The following FBN2 variants were observed in gnomAD, a reference collection of about 807,000 sequenced individuals.
FBN2 encodes the protein fibrillin 2, also known as fibrillin-2.
A neutral mutation model predicts 355.6 loss-of-function variants in FBN2; 105 were observed. The ratio of observed to expected loss-of-function variants is 0.30; its 90% CI spans 0.25 to 0.35. The LOEUF (loss-of-function observed/expected upper bound fraction) is 0.35. Among genes scored for constraint, FBN2 ranks in the 10% least tolerant of loss-of-function variants. The pLI is 1.00. For synonymous variants in FBN2, 1,350 were observed against 1,301.2 expected (o/e 1.04, Z -0.81); for missense variants, 3,280 against 3,758.7 (o/e 0.87, Z 3.33).
chr5:128,316,919 C>A (rs190131337), intron 36 of FBN2, among the ~76,000 whole-genome samples: 42 of 152,270 alleles, frequency 2.8e-4, no homozygotes, highest in Non-Finnish European at 1.5e-5. Flanking sequence ...TTTCCAGGTT[C>A]TAAATGGAGT....
intron 3 of FBN2, among the ~76,000 whole-genome samples, chr5:128,528,983 G>C (rs558224236): frequency 6.6e-6 from 1 of 152,244 alleles, no homozygotes; most frequent in East Asian, 1.9e-4. Flanking sequence ...TAGAGAAAGA[G>C]AAGCAGCAGT....
chr5:128,423,191 C>T (rs1316467788), intron 7 of FBN2, among the ~76,000 whole-genome samples: 5 of 152,116 alleles, frequency 3.3e-5, no homozygotes, highest in Admixed American at 1.3e-4. Context: ...CCATGAAAAT[C>T]AAATGGAATA....
chr5:128,288,521 T>C lies in FBN2; in HGVS notation c.6674A>G (p.Asn2225Ser), dbSNP rs754143779. The change falls in exon 53 of 65, where the codon AAT becomes AGT. Residue 2225 changes from asparagine to serine, a missense_variant. By Grantham distance (46) the Asn-to-Ser change is conservative. This residue lies in a region of FBN2 where 2,284 missense variants were observed against 2,749.5 expected (regional missense o/e 0.83). Coordinates refer to ENST00000262464, the MANE Select transcript of FBN2 (RefSeq NM_001999.4). ...DECSIGNPCG[N>S]GTCTNVIGSF... is the part of the protein sequence containing the mutation. ...CCCAATAACATTGGTGCATGTACCA[T>C]TTCCACACGGATTGCCGATTGAACA... 1.9e-6 allele frequency: 3 copies of C among 1,613,864 alleles called. No individual in the cohort carries two copies. The highest frequency in any genetic ancestry group is 2.2e-5 in the South Asian group (2 of 91,084).
chr5:128,349,593 G>T, intron 22 of FBN2, 121 bp from the exon 23 acceptor site: 1 of 1,238,748 alleles, frequency 8.1e-7, no homozygotes, highest in Non-Finnish European at 1.2e-6. Context: ...TATTACTTGA[G>T]TTAAACAGAA....
In FBN2 at chr5:128,263,455, C is replaced by T; in HGVS notation, c.8162G>A (p.Cys2721Tyr). The T allele has an allele frequency of 6.2e-7, 1 of 1,613,990 alleles. No individual in the cohort carries two copies. The highest frequency in any genetic ancestry group is 8.5e-7 in the Non-Finnish European group (1 of 1,179,856). Residue 2721 changes from cysteine (C) to tyrosine (Y), a missense_variant, in exon 63 of 65, where the codon TGC becomes TAC. Coordinates refer to ENST00000262464, the MANE Select transcript of FBN2 (RefSeq NM_001999.4). Reference protein sequence around the residue: ...SNTEGGYLCGCPPGYYRVGQG... With the variant: ...SNTEGGYLCGYPPGYYRVGQG... ...TCCCACTCTGTAATACCCAGGGGGG[C>T]AGCCACAGAGGTAGCCCCCCTCCGT...
chr5:128,395,164 C>T lies in FBN2; in HGVS notation c.1189G>A (p.Gly397Ser), dbSNP rs1752614660. The T allele has an allele frequency of 1.9e-6, 3 of 1,613,966 alleles. No individual in the cohort carries two copies. In the Admixed American group the frequency reaches 5.0e-5, roughly 27 times the overall value. The change falls in exon 9 of 65, where the codon GGC becomes AGC. Residue 397 changes from glycine (G) to serine (S), a missense_variant. Transcript: ENST00000262464. ...CAGGCTTCAGGAATGGTTCCGATGC[C>T]CCAGCAGCGGCCAGGCTCACAGCAG... ...QCCCEPGRCW[G>S]IGTIPEACPV...
Position 128,387,172 on chromosome 5 carries a change from G to A in FBN2, c.1603+4846C>T, listed in dbSNP as rs568643454. 3.3e-5 allele frequency among the ~76,000 whole-genome samples: 5 copies of A among 152,218 alleles called. No homozygotes were observed. The South Asian group carries it at 6.2e-4, about 19-fold the overall frequency. On this transcript the variant is annotated intron_variant, in intron 11 of 64. Transcript: ENST00000262464. Reference sequence around the variant, plus strand: ...ATTTCTTCCTGGCTCAATCTTGGGAGATGTTATGTTTCCAGGAATTTATGA... The same window carrying A: ...ATTTCTTCCTGGCTCAATCTTGGGAAATGTTATGTTTCCAGGAATTTATGA...
intron 11 of FBN2, among the ~76,000 whole-genome samples, chr5:128,384,146 T>G (rs991125424): frequency 6.6e-6 from 1 of 152,036 alleles, no homozygotes; most frequent in African/African-American, 2.4e-5. Flanking sequence ...CACAGAAGAA[T>G]CACAGAATAA....
At chr5:128,527,813 T>C in intron 4 of FBN2, 59 bp downstream of exon 4, 5 of 1,224,522 alleles carry the variant, frequency 4.1e-6, no homozygotes, top group Non-Finnish European at 6.0e-6. Flanking sequence ...CCTTAAATTA[T>C]AACTTAATAT....
intron 34 of FBN2, among the ~76,000 whole-genome samples, chr5:128,322,833 T>G (rs1038696901): frequency 6.6e-6 from 1 of 152,212 alleles, no homozygotes; most frequent in African/African-American, 2.4e-5. Context: ...TTGATGGGGA[T>G]ACCATTGAAT....
At chr5:128,447,852 G>A (rs1754114844) in intron 6 of FBN2, among the ~76,000 whole-genome samples, 1 of 152,108 alleles carries the variant, frequency 6.6e-6, no homozygotes, top group Non-Finnish European at 1.5e-5. Context: ...TTCTCAGACT[G>A]GCCAACACTT....
chr5:128,278,875 G>A lies in FBN2; in HGVS notation c.7139-34C>T, dbSNP rs201840511. ...GCAAAGTAGAAAGAGTTAAGGATGCGGAACTGACATTTCATTATCCTGGCT... is the reference window on the plus strand; with the variant it reads ...GCAAAGTAGAAAGAGTTAAGGATGCAGAACTGACATTTCATTATCCTGGCT... On this transcript the variant is annotated intron_variant, in intron 56 of 64. Transcript: ENST00000262464. 6.2e-4 allele frequency: 948 copies of A among 1,538,690 alleles called. No individual in the cohort carries two copies. In the Middle Eastern group the frequency reaches 6.5e-3, roughly 11 times the overall value.
chr5:128,271,658 T>C (rs978874915), intron 62 of FBN2, among the ~76,000 whole-genome samples: 3 of 152,176 alleles, frequency 2.0e-5, no homozygotes, highest in Admixed American at 6.5e-5. Flanking sequence ...GAAATCTAAA[T>C]ATATTAAATT....
intron 36 of FBN2, among the ~76,000 whole-genome samples, chr5:128,316,473 G>C (rs968245752): frequency 1.3e-5 from 2 of 152,182 alleles, no homozygotes; most frequent in African/African-American, 4.8e-5. Context: ...CTAAGAATGA[G>C]TGAACGCAAT....
intron 25 of FBN2, among the ~76,000 whole-genome samples, chr5:128,339,797 G>C (rs893294645): frequency 4.6e-5 from 7 of 152,132 alleles, no homozygotes; most frequent in African/African-American, 1.7e-4. Flanking sequence ...CTCTGTGCAG[G>C]AGGGACTGGC....
intron 7 of FBN2, among the ~76,000 whole-genome samples, chr5:128,440,952 A>C (rs1327024051): frequency 6.6e-6 from 1 of 152,180 alleles, no homozygotes; most frequent in Non-Finnish European, 1.5e-5. Context: ...TGCAGTGCTT[A>C]AATTGGTCAA....
rs569205977 is a variant in FBN2 at position 128,275,949 on chromosome 5, C to A, written c.7594+89G>T. The A allele has an allele frequency of 1.7e-5, 24 of 1,431,370 alleles. No individual in the cohort carries two copies. In the Admixed American group the frequency reaches 4.0e-4, roughly 24 times the overall value. 88.7% of individuals were successfully genotyped at this position (1,431,370 alleles called of 1,614,324 possible). On this transcript the variant is annotated intron_variant, in intron 59 of 64. Transcript: ENST00000262464. Reference sequence around the variant, plus strand: ...ATGGGACCTTTTAATGAAGGTGATGCACATGGCATAATTCCTGATAATCTA... The same window carrying A: ...ATGGGACCTTTTAATGAAGGTGATGAACATGGCATAATTCCTGATAATCTA...
chr5:128,305,589 C>A lies in FBN2; in HGVS notation c.5596G>T (p.Asp1866Tyr). The A allele has an allele frequency of 1.2e-6, 2 of 1,613,988 alleles. No homozygotes were observed. The highest frequency in any genetic ancestry group is 1.7e-6 in the Non-Finnish European group (2 of 1,179,900). Residue 1866 changes from aspartate (D) to tyrosine (Y), a missense_variant, in exon 44 of 65, where the codon GAC becomes TAC. Physicochemically the swap from Asp to Tyr is radical, Grantham distance 160. Transcript: ENST00000262464. ...TAACTACCAGGACTATTGATGCAGT[C>A]TGCATTCCGCTGGCAGAGATTATCA... ...NGDNLCQRNA[D>Y]CINSPGSYRC...
At chr5:128,453,032 AG>A (rs1754294500) in intron 6 of FBN2, among the ~76,000 whole-genome samples, 1 of 152,222 alleles carries the variant, frequency 6.6e-6, no homozygotes, top group African/African-American at 2.4e-5. Context: ...ACTAAATAAT[AG>A]GTCTATTTCT....
Sources: allele counts gnomAD v4.1 joint callset (sites outside exome capture counted in the v4.1 genomes callset), GRCh38; gene constraint gnomAD v4.1.1; regional missense constraint gnomAD v4.1.1; transcripts MANE v1.5; gene names NCBI Gene and HGNC (gene_info 2026-07-23, HGNC 2026-07-21).